The following GLIS3 variants were observed in gnomAD, a reference collection of about 807,000 sequenced individuals.
GLIS3 encodes zinc finger protein GLIS3.
A neutral mutation model predicts 78.6 loss-of-function variants in GLIS3; 53 were observed. The observed-to-expected ratio is 0.67, with a 90% CI of 0.54 to 0.85. The LOEUF (loss-of-function observed/expected upper bound fraction) is 0.85. Ranked by LOEUF, GLIS3 falls within the 40% of genes least tolerant of loss-of-function variation. The probability of loss-of-function intolerance (pLI) is 0.00; values close to 1 mark genes in which losing one functional copy is unlikely to be tolerated. For synonymous variants in GLIS3, 684 were observed against 509.9 expected (o/e 1.34, Z -4.60); for missense variants, 1,703 against 1,231.1 (o/e 1.38, Z -5.74).
At chr9:4,471,767 A>C in the GLIS3 span, among the ~76,000 whole-genome samples, 5 of 152,172 alleles carry the variant, frequency 3.3e-5, no homozygotes, top group African/African-American at 9.7e-5. Context: ...GGATCTAATT[A>C]AACTAAAGAG....
At chr9:4,402,381 TTA>T in the GLIS3 span, among the ~76,000 whole-genome samples, 1 of 152,162 alleles carries the variant, frequency 6.6e-6, no homozygotes, top group African/African-American at 2.4e-5. Context: ...ACTATGAAGA[TTA>T]CAATAAGTAC....
intron 4 of GLIS3, among the ~76,000 whole-genome samples, chr9:3,996,395 AATAG>A (rs892375214): frequency 2.0e-5 from 3 of 152,182 alleles, no homozygotes; most frequent in Non-Finnish European, 4.4e-5. Context: ...GTGAGATCAA[AATAG>A]ATAGATAGAT....
chr9:4,337,389 CA>C (rs1817770239), intron 2 of GLIS3, among the ~76,000 whole-genome samples: 1 of 152,006 alleles, frequency 6.6e-6, no homozygotes, highest in Non-Finnish European at 1.5e-5. Flanking sequence ...GTGATATGGT[CA>C]AAAAATTAAT....
At chr9:3,999,191 G>C (rs1056833280) in intron 4 of GLIS3, among the ~76,000 whole-genome samples, 3 of 152,154 alleles carry the variant, frequency 2.0e-5, no homozygotes, top group African/African-American at 7.2e-5. Flanking sequence ...TATAGTCGCA[G>C]ATTTGAGTTT....
intron 2 of GLIS3, among the ~76,000 whole-genome samples, chr9:4,245,166 C>T (rs1234295225): frequency 1.3e-5 from 2 of 152,178 alleles, no homozygotes; most frequent in East Asian, 3.8e-4. Context: ...TCTTAATGAT[C>T]TGAGCAACAA....
intron 4 of GLIS3, among the ~76,000 whole-genome samples, chr9:3,964,696 G>T (rs924445892): frequency 6.6e-6 from 1 of 152,152 alleles, no homozygotes; most frequent in Non-Finnish European, 1.5e-5. Flanking sequence ...CACAGGGACA[G>T]AATTTTTTCA....
At chr9:4,116,350 A>T (rs1038914606) in intron 4 of GLIS3, among the ~76,000 whole-genome samples, 1 of 152,186 alleles carries the variant, frequency 6.6e-6, no homozygotes, top group Non-Finnish European at 1.5e-5. Flanking sequence ...TTAATGCAGA[A>T]CCCTAGTGAC....
chr9:4,471,983 G>T, the GLIS3 span, among the ~76,000 whole-genome samples: 1 of 152,184 alleles, frequency 6.6e-6, no homozygotes, highest in Non-Finnish European at 1.5e-5. Flanking sequence ...AGACATTTAT[G>T]CAGCCAACAA....
chr9:4,152,791 G>GA (rs563459897), intron 2 of GLIS3, among the ~76,000 whole-genome samples: 1 of 151,938 alleles, frequency 6.6e-6, no homozygotes, highest in Admixed American at 6.6e-5. Context: ...AAAATATAAT[G>GA]AAAAAAAGAA....
At chr9:4,059,797 G>A (rs1826470398) in intron 4 of GLIS3, among the ~76,000 whole-genome samples, 1 of 65,446 alleles carries the variant, frequency 1.5e-5, no homozygotes, top group Non-Finnish European at 4.4e-5. Context: ...CACTTACTCA[G>A]CTTTATTTGT....
chr9:4,488,372 C>T, the GLIS3 span, among the ~76,000 whole-genome samples: 15 of 152,166 alleles, frequency 9.9e-5, no homozygotes, highest in African/African-American at 3.6e-4. Context: ...CTGTTAAAAA[C>T]TTCATAAACT....
At chr9:4,451,835 C>T in the GLIS3 span, among the ~76,000 whole-genome samples, 3 of 151,820 alleles carry the variant, frequency 2.0e-5, no homozygotes, top group Non-Finnish European at 2.9e-5. Flanking sequence ...ATCTCTGGGA[C>T]ACATTTAAAA....
At chr9:4,110,501 T>C (rs1402713336) in intron 4 of GLIS3, among the ~76,000 whole-genome samples, 1 of 152,090 alleles carries the variant, frequency 6.6e-6, no homozygotes, top group Non-Finnish European at 1.5e-5. Context: ...AAAAGGAAAA[T>C]AAATACTGTG....
At chr9:4,122,457 C>T (rs1032950323) in intron 3 of GLIS3, among the ~76,000 whole-genome samples, 2 of 152,120 alleles carry the variant, frequency 1.3e-5, no homozygotes, top group Admixed American at 6.5e-5. Context: ...CCTTCTCTGA[C>T]CTTTGTGGAT....
At chr9:4,131,205 A>G (rs1277136225) in intron 2 of GLIS3, among the ~76,000 whole-genome samples, 2 of 152,176 alleles carry the variant, frequency 1.3e-5, no homozygotes, top group East Asian at 1.9e-4. Flanking sequence ...TTACAGGCTC[A>G]TATAGGTGGA....
chr9:3,828,539 C>A, intron 10 of GLIS3, 131 bp from the exon 11 acceptor site: 2 of 1,142,912 alleles, frequency 1.7e-6, no homozygotes, highest in Non-Finnish European at 2.5e-6. Context: ...AGCCTGGGCC[C>A]TATAGTGAGT....
intron 2 of GLIS3, among the ~76,000 whole-genome samples, chr9:4,255,825 A>G (rs932100784): frequency 6.6e-6 from 1 of 152,142 alleles, no homozygotes; most frequent in Non-Finnish European, 1.5e-5. Flanking sequence ...CATAGAATGT[A>G]CAATAAGAGT....
intron 6 of GLIS3, among the ~76,000 whole-genome samples, chr9:3,925,160 A>C (rs1314391947): frequency 6.6e-6 from 1 of 152,196 alleles, no homozygotes; most frequent in East Asian, 1.9e-4. Context: ...TGATCTCCTT[A>C]TTGCTTTCAG....
chr9:3,860,846 A>C (rs77260035), intron 8 of GLIS3, among the ~76,000 whole-genome samples: 145 of 152,336 alleles, frequency 9.5e-4, no homozygotes, highest in African/African-American at 3.4e-3. Flanking sequence ...CATTGTTCTA[A>C]GCACTAGGGA....
Sources: allele counts gnomAD v4.1 joint callset (sites outside exome capture counted in the v4.1 genomes callset), GRCh38; gene constraint gnomAD v4.1.1; transcripts MANE v1.5; gene names NCBI Gene and HGNC (gene_info 2026-07-23, HGNC 2026-07-21).